The following GSE1 variants were observed in gnomAD, a reference collection of about 807,000 sequenced individuals.
GSE1 encodes the protein genetic suppressor element 1.
Under a neutral mutation model 112.6 loss-of-function variants are expected in GSE1, and 32 were observed. The observed-to-expected ratio is 0.28, with a 90% CI of 0.21 to 0.38. The LOEUF is 0.38. GSE1 is among the 10% of genes least tolerant of loss of function. The pLI is 1.00. For synonymous variants in GSE1, 1,115 were observed against 735.6 expected, an observed-to-expected ratio of 1.52 and a Z score of -8.35; for missense variants, 2,348 against 1,699.2, an observed-to-expected ratio of 1.38 and a Z score of -6.71.
intron 1 of GSE1, among the ~76,000 whole-genome samples, chr16:85,321,269 T>G (rs2046102003): frequency 6.6e-6 from 1 of 152,146 alleles, no homozygotes; most frequent in Non-Finnish European, 1.5e-5. Context: ...AAGGGGTCCT[T>G]GAAGTAATGA....
At chr16:85,181,590 C>T (rs763988435) in intron 1 of GSE1, among the ~76,000 whole-genome samples, 6 of 152,222 alleles carry the variant, frequency 3.9e-5, no homozygotes, top group Admixed American at 6.5e-5. Flanking sequence ...GAGGGCTGAC[C>T]GCTGCTGCGG....
At chr16:85,640,988 T>C (rs1290057400) in intron 2 of GSE1, among the ~76,000 whole-genome samples, 1 of 152,208 alleles carries the variant, frequency 6.6e-6, no homozygotes, top group Non-Finnish European at 1.5e-5. Context: ...TCCCGACCCC[T>C]TCTCCGCATA....
chr16:85,642,700 C>G (rs1187789594), intron 2 of GSE1, among the ~76,000 whole-genome samples: 1 of 152,250 alleles, frequency 6.6e-6, no homozygotes, highest in African/African-American at 2.4e-5. Context: ...CGGTAGTTAC[C>G]GTTCTGTTCT....
At chr16:85,541,407 C>G (rs1268611860) in intron 2 of GSE1, among the ~76,000 whole-genome samples, 1 of 152,258 alleles carries the variant, frequency 6.6e-6, no homozygotes, top group African/African-American at 2.4e-5. Flanking sequence ...CAGCAGCCAC[C>G]TGGCTGGCAC....
At chr16:85,477,477 C>T (rs1006222724) in intron 2 of GSE1, among the ~76,000 whole-genome samples, 4 of 151,848 alleles carry the variant, frequency 2.6e-5, no homozygotes, top group Non-Finnish European at 2.9e-5. Context: ...CCCTCACCTC[C>T]TTATTGTGAA....
At chr16:85,351,152 C>A (rs371252376) in intron 1 of GSE1, among the ~76,000 whole-genome samples, 13 of 152,270 alleles carry the variant, frequency 8.5e-5, no homozygotes, top group African/African-American at 1.9e-4. Context: ...CAGCTGTGCC[C>A]TGCTACAGAG....
chr16:85,663,013 G>A lies in GSE1; in HGVS notation c.2293G>A (p.Glu765Lys), dbSNP rs753550740. The A allele has an allele frequency of 1.9e-5, 31 of 1,612,772 alleles. No individual in the cohort carries two copies. The highest frequency in any genetic ancestry group is 5.3e-5 in the African/African-American group (4 of 74,902). The change falls in exon 10 of 16, where the codon GAG becomes AAG. Residue 765 changes from glutamate to lysine, a missense_variant. Glu to Lys is a moderately conservative substitution (Grantham distance 56). Coordinates refer to ENST00000253458, the MANE Select transcript of GSE1 (RefSeq NM_014615.5). ...YYYDLDDSYD[E>K]SDEEEVRAHL... ...CTACGACCTCGATGACTCTTACGAC[G>A]AGAGCGATGAGGAGGAGGTCAGGGC... is the stretch of plus-strand genomic sequence containing the variant.
chr16:85,524,956 T>C (rs2052315129), intron 2 of GSE1, among the ~76,000 whole-genome samples: 1 of 152,034 alleles, frequency 6.6e-6, no homozygotes, highest in South Asian at 2.1e-4. Flanking sequence ...CATGAATGAG[T>C]GAGTCCCCGC....
chr16:85,460,727 C>G (rs62050402), intron 2 of GSE1, among the ~76,000 whole-genome samples: 2 of 150,162 alleles, frequency 1.3e-5, no homozygotes, highest in African/African-American at 4.9e-5. Flanking sequence ...TGCGCAGACA[C>G]GGTCCTGTGG....
At chr16:85,234,736 G>C (rs1214722685) in intron 1 of GSE1, among the ~76,000 whole-genome samples, 1 of 152,148 alleles carries the variant, frequency 6.6e-6, no homozygotes, top group African/African-American at 2.4e-5. Flanking sequence ...TGAGGATGCC[G>C]GCCCCGCCCC....
chr16:85,346,282 A>T (rs2046734694), intron 1 of GSE1, among the ~76,000 whole-genome samples: 1 of 149,630 alleles, frequency 6.7e-6, no homozygotes, highest in African/African-American at 2.5e-5. Flanking sequence ...TAGATGATGG[A>T]CAGATGGATG....
rs776845901 is a variant in GSE1 at position 85,311,032 on chromosome 16, G to A, written c.2284-46431G>A. Among the ~76,000 whole-genome samples, 3 of 152,216 alleles carry A rather than the reference G, an allele frequency of 2.0e-5. No homozygotes were observed. The highest frequency in any genetic ancestry group is 1.9e-4 in the East Asian group (1 of 5,198). ...AATATAAACCCAGCCGCCTTTCCGC[G>A]GCCGTCAGCAATGGCCATGGCTCTG... On this transcript the variant is annotated intron_variant, in intron 1 of 2. Coordinates refer to the GSE1 transcript ENST00000637419. This position sits in a 1 kb window ranked among gnomAD's most constrained non-coding sequence, Gnocchi z 4.2.
At chr16:85,289,910 A>T (rs139929928) in intron 1 of GSE1, among the ~76,000 whole-genome samples, 1,609 of 152,090 alleles carry the variant, frequency 0.011, 12 homozygotes, top group Middle Eastern at 0.024. Context: ...TGTGTGCCTG[A>T]CCTCTCTTTG....
At chr16:85,530,597 C>G (rs1299467439) in intron 2 of GSE1, among the ~76,000 whole-genome samples, 1 of 152,168 alleles carries the variant, frequency 6.6e-6, no homozygotes, top group Non-Finnish European at 1.5e-5. Context: ...ATGCCTGCGA[C>G]CCACTCCATG....
chr16:85,179,820 C>A (rs2074544911), intron 1 of GSE1, among the ~76,000 whole-genome samples: 1 of 152,236 alleles, frequency 6.6e-6, no homozygotes, highest in South Asian at 2.1e-4. Flanking sequence ...GCTCCAGCCA[C>A]AACCCTGGGC....
At chr16:85,529,099 C>T (rs1212866447) in intron 2 of GSE1, among the ~76,000 whole-genome samples, 2 of 152,092 alleles carry the variant, frequency 1.3e-5, no homozygotes, top group Admixed American at 6.5e-5. Flanking sequence ...GCCAGTGAGG[C>T]GGCGCCTGCA....
At chr16:85,228,912 G>C (rs1015439938) in intron 1 of GSE1, among the ~76,000 whole-genome samples, 6 of 152,330 alleles carry the variant, frequency 3.9e-5, no homozygotes, top group Admixed American at 2.0e-4. Flanking sequence ...AAACATACCC[G>C]AAGGAGTTAA....
chr16:85,407,298 A>AG (rs201653382), intron 2 of GSE1, among the ~76,000 whole-genome samples: 12 of 21,570 alleles, frequency 5.6e-4, no homozygotes, highest in African/African-American at 1.6e-3. Flanking sequence ...TGTTACACTC[A>AG]GGCCCCCCGG....
upstream of GSE1, chr16:85,555,873 A>G: frequency 1.3e-6 from 1 of 753,326 alleles, no homozygotes; most frequent in Non-Finnish European, 1.6e-6. Flanking sequence ...TTAACCCCCC[A>G]ATTTCATCAC....
Sources: allele counts gnomAD v4.1 joint callset (sites outside exome capture counted in the v4.1 genomes callset), GRCh38; gene constraint gnomAD v4.1.1; non-coding constraint Gnocchi (gnomAD v3.1); transcripts MANE v1.5; gene names NCBI Gene and HGNC (gene_info 2026-07-23, HGNC 2026-07-21).